GBP5: variants seen among roughly 807,000 people sequenced by gnomAD.
GBP5 encodes guanylate binding protein 5, also known as guanylate-binding protein 5.
Under a neutral mutation model 58.2 loss-of-function variants are expected in GBP5, and 48 were observed. The ratio of observed to expected loss-of-function variants is 0.83; its 90% CI spans 0.65 to 1.05. GBP5 has a LOEUF of 1.05. Ranked by LOEUF, GBP5 falls within the 50% of genes least tolerant of loss-of-function variation. The pLI, the probability that GBP5 is intolerant of heterozygous loss-of-function variation, is 0.00. For synonymous variants in GBP5, 248 were observed against 251.8 expected, an observed-to-expected ratio of 0.98 and a Z score of 0.14; for missense variants, 714 against 686.8, an observed-to-expected ratio of 1.04 and a Z score of -0.44.
rs143627583 is a variant in GBP5 at position 89,264,934 on chromosome 1, C to T, written c.901G>A (p.Ala301Thr). Residue 301 changes from alanine to threonine, a missense_variant, in exon 8 of 12, where the codon GCC becomes ACC. Physicochemically the swap from Ala to Thr is moderately conservative, Grantham distance 58 (BLOSUM62 0). Coordinates refer to ENST00000370459, the MANE Select transcript of GBP5 (RefSeq NM_052942.5). ...LKNLVLTYVN[A>T]ISSGDLPCIE... ...CAAGGCAGATCCCCACTGCTGATGG[C>T]ATTGACATAGGTCAGCACCAGGTTC... 3.0e-5 allele frequency: 49 copies of T among 1,613,974 alleles called. No individual in the cohort carries two copies. The African/African-American group carries it at 3.7e-4, about 12-fold the overall frequency.
Position 89,263,867 on chromosome 1 carries a change from C to G in GBP5, c.1231G>C (p.Asp411His). The change falls in exon 9 of 12, where the codon GAT (aspartate) becomes CAT (histidine). Residue 411 changes from aspartate to histidine, a missense_variant. Coordinates refer to ENST00000370459, the MANE Select transcript of GBP5 (RefSeq NM_052942.5). Reference protein sequence around the residue: ...SSDYCSALLKDIFGPLEEAVK... With the variant: ...SSDYCSALLKHIFGPLEEAVK... Reference sequence around the variant, plus strand: ...GCTTCTTCTAGAGGACCAAAAATATCCTTAAGTAAAGCCGAGCAATAATCC... The same window carrying G: ...GCTTCTTCTAGAGGACCAAAAATATGCTTAAGTAAAGCCGAGCAATAATCC... 2 of 1,612,738 alleles carry G rather than the reference C, an allele frequency of 1.2e-6. No individual in the cohort carries two copies. The highest frequency in any genetic ancestry group is 3.3e-5 in the Admixed American group (2 of 59,818).
intron 9 of GBP5, 196 bp from the exon 10 acceptor site, chr1:89,262,981 G>A (rs1650071191): frequency 2.4e-6 from 1 of 425,140 alleles, no homozygotes; most frequent in Middle Eastern, 3.2e-4. Context: ...AGACTGGAGA[G>A]GCTTGTGGAA....
At chr1:89,268,703 G>A in intron 4 of GBP5, 26 bp downstream of exon 4, 1 of 1,611,940 alleles carries the variant, frequency 6.2e-7, no homozygotes, top group Non-Finnish European at 8.5e-7. Context: ...GAGATTAGGA[G>A]GTTAAAAAAA....
chr1:89,262,965 C>T, intron 9 of GBP5, 180 bp from the exon 10 acceptor site: 5 of 453,348 alleles, frequency 1.1e-5, no homozygotes, highest in South Asian at 8.1e-5. Context: ...GTGGAACTGC[C>T]AATTGAGACT....
Position 89,269,550 on chromosome 1 carries a change from AG to A in GBP5, c.5del (p.Ala2ValfsTer2). The A allele has an allele frequency of 6.2e-7, 1 of 1,612,038 alleles. No homozygotes were observed. The highest frequency in any genetic ancestry group is 8.5e-7 in the Non-Finnish European group (1 of 1,178,208). On this transcript the variant is annotated frameshift_variant, in exon 3 of 12. Transcript: ENST00000370459. LOFTEE classifies it high-confidence loss of function. ...TGGGGTCTGACATGTGGATCTCTAA[AG>A]CCATGTCTAGGATGTTACTTTGCCT... The part of the protein sequence containing the change: M[A>X]LEIHMSDPMC...
At position 89,258,208 on chromosome 1, in the gene GBP5, G is replaced by A. The variant is rs74613258; in HGVS notation, c.*2496C>T. Reference sequence around the variant, plus strand: ...TGCCTCTCTGGTTTTTGGTGGGGGAGATATAATAGCAAAAGTTAAATTAGA... The same window carrying A: ...TGCCTCTCTGGTTTTTGGTGGGGGAAATATAATAGCAAAAGTTAAATTAGA... On this transcript the variant is annotated 3_prime_UTR_variant, in exon 12 of 12. Transcript: ENST00000370459. Among the ~76,000 whole-genome samples, 488 of 152,218 alleles carry A rather than the reference G, an allele frequency of 3.2e-3. 1 individual carries two copies. Among genetic ancestry groups the A allele is most frequent in the Non-Finnish European group, 5.5e-3 (372 of 68,018 alleles).
chr1:89,265,010 A>G (rs1452778034), intron 7 of GBP5, 44 bp from the exon 8 acceptor site: 7 of 1,541,454 alleles, frequency 4.5e-6, no homozygotes, highest in Admixed American at 1.8e-5. Context: ...CAAAGGAAGA[A>G]GACATGATTG....
chr1:89,264,569 T>C, intron 8 of GBP5, 117 bp downstream of exon 8: 1 of 843,042 alleles, frequency 1.2e-6, no homozygotes, highest in Non-Finnish European at 1.9e-6. Flanking sequence ...GTCATGGCTA[T>C]ATATTATTAT....
Position 89,267,538 on chromosome 1 carries a change from A to G in GBP5, c.319-12T>C, listed in dbSNP as rs1650272355. 6.4e-7 allele frequency: 1 copy of G among 1,573,880 alleles called. No homozygotes were observed. The highest frequency in any genetic ancestry group is 8.7e-7 in the Non-Finnish European group (1 of 1,143,378). Reference sequence around the variant, plus strand: ...TTCTTGTTGTCAGCCTAGAAGTCAGACCAAATTTAAGTCATGTCTCATGGG... The same window carrying G: ...TTCTTGTTGTCAGCCTAGAAGTCAGGCCAAATTTAAGTCATGTCTCATGGG... On this transcript the variant is annotated splice_polypyrimidine_tract_variant and intron_variant, in intron 4 of 11. Transcript: ENST00000370459.
At chr1:89,266,826 T>C (rs1650238594) in intron 6 of GBP5, 131 bp downstream of exon 6, 2 of 626,692 alleles carry the variant, frequency 3.2e-6, no homozygotes, top group Non-Finnish European at 5.0e-6. Context: ...AAATATTTAT[T>C]ATTTATTTTT....
chr1:89,263,052 C>T (rs1287770314), intron 9 of GBP5: 1 of 295,048 alleles, frequency 3.4e-6, no homozygotes, highest in Non-Finnish European at 6.3e-6. Context: ...TGCAAGTCCA[C>T]TAGATGCAAA....
rs973397923 is a variant in GBP5 at position 89,262,620 on chromosome 1, G to A, written c.1465+63C>T. On this transcript the variant is annotated intron_variant, in intron 10 of 11. Transcript: ENST00000370459. Reference sequence around the variant, plus strand: ...TAGTTTAACATCCCATGAGGGCCAGGCCAAATTTATTTAAAATTTATAGAT... The same window carrying A: ...TAGTTTAACATCCCATGAGGGCCAGACCAAATTTATTTAAAATTTATAGAT... 8.1e-6 allele frequency: 10 copies of A among 1,239,268 alleles called. No individual in the cohort carries two copies. The African/African-American group carries it at 1.2e-4, about 15-fold the overall frequency. The allele number at this position is 1,239,268 out of a possible 1,614,324, so 76.8% of individuals were successfully genotyped here. A position where few individuals can be genotyped will look rare whatever the true frequency, so the allele number is the denominator to read the frequency against.
chr1:89,268,859 G>A lies in GBP5; in HGVS notation c.191-3C>T. 2 of 1,613,272 alleles carry A rather than the reference G, an allele frequency of 1.2e-6. No individual in the cohort carries two copies. The highest frequency in any genetic ancestry group is 1.7e-6 in the Non-Finnish European group (2 of 1,179,666). ...CACCGTAGATGCAACAGAGAAGCCT[G>A]TCAGGGGGAGTGAGAGGTTGTAATA... On this transcript the variant is annotated splice_region_variant and splice_polypyrimidine_tract_variant and intron_variant, in intron 3 of 11. Transcript: ENST00000370459.
rs760961281 is a variant in GBP5, at chr1:89,268,863, G to A, written c.191-7C>T. On this transcript the variant is annotated splice_region_variant and splice_polypyrimidine_tract_variant and intron_variant, in intron 3 of 11. Coordinates refer to ENST00000370459, the MANE Select transcript of GBP5 (RefSeq NM_052942.5). ...GTAGATGCAACAGAGAAGCCTGTCA[G>A]GGGGAGTGAGAGGTTGTAATAGAAG... 1.9e-6 allele frequency: 3 copies of A among 1,612,610 alleles called. No homozygotes were observed. The highest frequency in any genetic ancestry group is 1.3e-5 in the African/African-American group (1 of 74,952).
Position 89,260,740 on chromosome 1 carries a change from C to A in GBP5, c.1725G>T (p.Arg575Ser). 6.2e-7 allele frequency: 1 copy of A among 1,613,886 alleles called. No individual in the cohort carries two copies. Among genetic ancestry groups the A allele is most frequent in the Non-Finnish European group, 8.5e-7 (1 of 1,179,830 alleles). ...SLLSELQHAQ[R>S]TVNNDDPCVL... ...CACATGGATCATCGTTATTAACAGT[C>A]CTCTGGGCGTGCTGGAGCTCACTGA... The change falls in exon 12 of 12, where the codon AGG (arginine) becomes AGT (serine). Residue 575 changes from arginine (R) to serine (S), a missense_variant. Arg to Ser is a moderately radical substitution (Grantham distance 110). Coordinates refer to ENST00000370459, the MANE Select transcript of GBP5 (RefSeq NM_052942.5).
rs766572232 is a variant in GBP5 at position 89,264,993 on chromosome 1, T to A, written c.869-27A>T. 20 of 1,588,302 alleles carry A rather than the reference T, an allele frequency of 1.3e-5. 1 individual carries two copies. The highest frequency in any genetic ancestry group is 1.2e-5 in the Non-Finnish European group (14 of 1,161,538). ...TTCATGGAAGAAAGAAACATTTATA[T>A]TATTTGCAAAGGAAGAAGACATGAT... On this transcript the variant is annotated intron_variant, in intron 7 of 11. Coordinates refer to ENST00000370459, the MANE Select transcript of GBP5 (RefSeq NM_052942.5).
intron 9 of GBP5, chr1:89,263,020 G>A (rs895547076): frequency 1.6e-5 from 6 of 372,262 alleles, no homozygotes; most frequent in African/African-American, 1.3e-4. Context: ...GTTTGGCCAT[G>A]ACTCCATGGT....
chr1:89,268,828 A>C lies in GBP5; in HGVS notation c.219T>G (p.Ser73=). The part of the protein sequence containing the change: ...KGFSVASTVQ[S]HTKGIWIWCV... ...ACCATATCCAAATTCCCTTGGTGTGAGACTGCACCGTAGATGCAACAGAGA... is the reference window on the plus strand; with the variant it reads ...ACCATATCCAAATTCCCTTGGTGTGCGACTGCACCGTAGATGCAACAGAGA... The change falls in exon 4 of 12, where the codon TCT becomes TCG. Residue 73 remains serine, a synonymous_variant. Transcript: ENST00000370459. The C allele has an allele frequency of 6.2e-7, 1 of 1,613,902 alleles. No individual in the cohort carries two copies. The highest frequency in any genetic ancestry group is 8.5e-7 in the Non-Finnish European group (1 of 1,179,834).
At chr1:89,268,649 T>C (rs1650319132) in intron 4 of GBP5, 80 bp downstream of exon 4, 1 of 1,488,148 alleles carries the variant, frequency 6.7e-7, no homozygotes, top group Admixed American at 1.7e-5. Flanking sequence ...GAACTACAAA[T>C]TTAGAAAAAT....
Sources: gnomAD v4.1 joint callset for allele counts (sites outside exome capture counted in the v4.1 genomes callset) on GRCh38, gnomAD v4.1.1 for gene constraint, MANE v1.5 for transcripts, NCBI Gene and HGNC (gene_info 2026-07-23, HGNC 2026-07-21) for gene names.